CCDC146: variants seen among roughly 807,000 people sequenced by gnomAD.
CCDC146 encodes the protein coiled-coil domain containing 146.
A neutral mutation model predicts 119.3 loss-of-function variants in CCDC146; 92 were observed. That is an observed-to-expected ratio of 0.77 (90% CI 0.65 to 0.92). CCDC146 has a LOEUF of 0.92. Ranked by LOEUF, CCDC146 falls within the 40% of genes least tolerant of loss-of-function variation. The pLI, the probability that CCDC146 is intolerant of heterozygous loss-of-function variation, is 0.00. For synonymous variants in CCDC146, 372 were observed against 371.8 expected (o/e 1.00, Z -0.01); for missense variants, 1,000 against 1,103.0 (o/e 0.91, Z 1.32).
At chr7:77,150,050 ATAGAT>A (rs537050308) in intron 1 of CCDC146, among the ~76,000 whole-genome samples, 2 of 152,020 alleles carry the variant, frequency 1.3e-5, no homozygotes, top group Non-Finnish European at 2.9e-5. Context: ...TTAATTTGGA[ATAGAT>A]TAAAGATCTA....
At chr7:77,278,310 T>C (rs934483518) in intron 11 of CCDC146, among the ~76,000 whole-genome samples, 28 of 152,264 alleles carry the variant, frequency 1.8e-4, no homozygotes, top group African/African-American at 6.3e-4. Flanking sequence ...TCTCGTTTGT[T>C]CTCTTCTTTA....
rs567384776 is a variant in CCDC146 at position 77,199,077 on chromosome 7, A to T, written c.156+31253A>T. On this transcript the variant is annotated intron_variant, in intron 2 of 18. Transcript: ENST00000285871. The stretch of plus-strand genomic sequence containing the variant: ...GTGCACCTTGATAAATAAAAGACTT[A>T]ATCTGTCATCTATTTAACTTACTGA... 8 of 972,000 alleles carry T rather than the reference A, an allele frequency of 8.2e-6. No individual in the cohort carries two copies. In the East Asian group the frequency reaches 1.9e-4, roughly 23 times the overall value. The allele number at this position is 972,000 out of a possible 1,614,324, so 60.2% of individuals were successfully genotyped here. A position where few individuals can be genotyped will look rare whatever the true frequency, so the allele number is the denominator to read the frequency against.
intron 4 of CCDC146, among the ~76,000 whole-genome samples, chr7:77,242,858 C>G (rs1792875126): frequency 6.9e-6 from 1 of 144,316 alleles, no homozygotes; most frequent in Non-Finnish European, 1.5e-5. Context: ...TTAAAATCCT[C>G]TCTTTGGGGC....
At chr7:77,221,369 A>C (rs192623493) in intron 2 of CCDC146, among the ~76,000 whole-genome samples, 4 of 152,376 alleles carry the variant, frequency 2.6e-5, no homozygotes, top group Non-Finnish European at 2.9e-5. Context: ...TGTATTCTAC[A>C]TACAGTCAAC....
intron 3 of CCDC146, among the ~76,000 whole-genome samples, chr7:77,240,882 C>T (rs1399599392): frequency 6.6e-6 from 1 of 151,966 alleles, no homozygotes; most frequent in Admixed American, 6.6e-5. Context: ...ATGCAGTATA[C>T]CCCACTATAT....
intron 1 of CCDC146, among the ~76,000 whole-genome samples, chr7:77,143,966 G>C (rs1006146912): frequency 4.6e-5 from 7 of 151,830 alleles, no homozygotes; most frequent in African/African-American, 1.5e-4. Context: ...GTAATTGGTA[G>C]CTTGATGGGG....
chr7:77,234,122 C>T (rs1038842330), intron 2 of CCDC146, among the ~76,000 whole-genome samples: 1 of 152,144 alleles, frequency 6.6e-6, no homozygotes, highest in Non-Finnish European at 1.5e-5. Flanking sequence ...GGCTGGTTAG[C>T]TAGTTACTGG....
At chr7:77,177,903 T>A (rs1470002581) in intron 2 of CCDC146, among the ~76,000 whole-genome samples, 1 of 152,232 alleles carries the variant, frequency 6.6e-6, no homozygotes, top group Non-Finnish European at 1.5e-5. Flanking sequence ...ACAGATAGGT[T>A]CTATTGTTCC....
intron 1 of CCDC146, among the ~76,000 whole-genome samples, chr7:77,160,575 A>C (rs1290434200): frequency 8.6e-5 from 13 of 152,024 alleles, no homozygotes; most frequent in Admixed American, 8.5e-4. Context: ...CTGTTTGTCT[A>C]TTATTGGTGT....
At chr7:77,292,158 GTGGTGCA>G (rs1340130873) in intron 17 of CCDC146, among the ~76,000 whole-genome samples, 1 of 152,026 alleles carries the variant, frequency 6.6e-6, no homozygotes, top group East Asian at 1.9e-4. Flanking sequence ...GCCAACTATG[GTGGTGCA>G]TGGCTATAGT....
In CCDC146 at chr7:77,274,465, GTGT is replaced by G. The variant is rs780182454; in HGVS notation, c.1270-15_1270-13del. 71 of 1,437,418 alleles carry G rather than the reference GTGT, an allele frequency of 4.9e-5. 3 individuals carry two copies. The South Asian group carries it at 7.9e-4, about 16-fold the overall frequency. The allele number at this position is 1,437,418 out of a possible 1,614,324, so 89.0% of individuals were successfully genotyped here. A position where few individuals can be genotyped will look rare whatever the true frequency, so the allele number is the denominator to read the frequency against. ...AAACAAATAACTTATAATATTATCT[GTGT>G]TTTTTTTCAAAAGAAAATTATATCA... On this transcript the variant is annotated splice_polypyrimidine_tract_variant and intron_variant, in intron 10 of 18. Transcript: ENST00000285871.
intron 2 of CCDC146, among the ~76,000 whole-genome samples, chr7:77,216,814 T>G (rs1792309817): frequency 6.6e-6 from 1 of 152,182 alleles, no homozygotes; most frequent in Non-Finnish European, 1.5e-5. Context: ...GCTCATAAAG[T>G]ACAGTGCCAA....
intron 2 of CCDC146, among the ~76,000 whole-genome samples, chr7:77,185,458 A>G (rs1206337956): frequency 2.6e-5 from 4 of 152,310 alleles, no homozygotes; most frequent in African/African-American, 7.2e-5. Context: ...CTTGAACTGT[A>G]GATAAGAACT....
Position 77,241,873 on chromosome 7 carries a change from A to G in CCDC146, c.422A>G (p.Glu141Gly), listed in dbSNP as rs746971220. Residue 141 changes from glutamate (E) to glycine (G), a missense_variant, in exon 4 of 19, where the codon GAG becomes GGG. Coordinates refer to ENST00000285871, the MANE Select transcript of CCDC146 (RefSeq NM_020879.3). ...GAATATAATGCAGTGAAGGAAAGAG[A>G]GTTCCATAATCAGTACAGATTAAAT... ...QNEYNAVKER[E>G]FHNQYRLNSL... The G allele has an allele frequency of 1.2e-6, 2 of 1,613,706 alleles. No individual in the cohort carries two copies. Among genetic ancestry groups the G allele is most frequent in the Non-Finnish European group, 1.7e-6 (2 of 1,179,674 alleles).
chr7:77,154,306 A>G (rs953712613), intron 1 of CCDC146, among the ~76,000 whole-genome samples: 6 of 151,960 alleles, frequency 3.9e-5, no homozygotes, highest in African/African-American at 1.2e-4. Context: ...ATTGCATTCA[A>G]GTTTTTTTTT....
chr7:77,222,215 A>G (rs1172863314), intron 2 of CCDC146, among the ~76,000 whole-genome samples: 1 of 152,086 alleles, frequency 6.6e-6, no homozygotes, highest in African/African-American at 2.4e-5. Context: ...TGCAATTTTG[A>G]GTTCTTGTTC....
At chr7:77,130,144 C>T (rs1245228760) in intron 1 of CCDC146, among the ~76,000 whole-genome samples, 1 of 152,022 alleles carries the variant, frequency 6.6e-6, no homozygotes, top group East Asian at 1.9e-4. Context: ...AAGAACAAAT[C>T]TTCTATTTGT....
chr7:77,230,790 TTTG>T (rs2150475270), intron 2 of CCDC146, among the ~76,000 whole-genome samples: 1 of 152,316 alleles, frequency 6.6e-6, no homozygotes, highest in East Asian at 1.9e-4. Flanking sequence ...TTTCTTTAAG[TTTG>T]TTTTCTGTTC....
chr7:77,288,143 G>A (rs1488223423), intron 17 of CCDC146, among the ~76,000 whole-genome samples: 2 of 152,280 alleles, frequency 1.3e-5, no homozygotes, highest in South Asian at 2.1e-4. Flanking sequence ...GTCAGGGTGG[G>A]ACTGCTAGAA....
Sources: allele counts gnomAD v4.1 joint callset (sites outside exome capture counted in the v4.1 genomes callset), GRCh38; gene constraint gnomAD v4.1.1; transcripts MANE v1.5; gene names NCBI Gene and HGNC (gene_info 2026-07-23, HGNC 2026-07-21).